The following NUP88 variants were observed in gnomAD, a reference collection of about 807,000 sequenced individuals.
NUP88 encodes the protein nucleoporin 88, also known as nuclear pore complex protein Nup88.
Under a neutral mutation model 93.9 loss-of-function variants are expected in NUP88, and 57 were observed. That is an observed-to-expected ratio of 0.61 (90% CI 0.49 to 0.76). The LOEUF (loss-of-function observed/expected upper bound fraction) is 0.76. Ranked by LOEUF, NUP88 falls within the 30% of genes least tolerant of loss-of-function variation. The pLI, the probability that NUP88 is intolerant of heterozygous loss-of-function variation, is 0.00. For missense variants in NUP88, 911 were observed against 901.0 expected, an observed-to-expected ratio of 1.01 and a Z score of -0.14; for synonymous variants, 346 against 336.8, an observed-to-expected ratio of 1.03 and a Z score of -0.30.
At chr17:5,403,617 G>A (rs568575109) in intron 7 of NUP88, among the ~76,000 whole-genome samples, 75 of 152,088 alleles carry the variant, frequency 4.9e-4, no homozygotes, top group African/African-American at 1.7e-3. Flanking sequence ...TCGAGATTGC[G>A]CCATTAGACT....
chr17:5,387,177 G>A, intron 14 of NUP88, 67 bp from the exon 15 acceptor site: 2 of 1,548,498 alleles, frequency 1.3e-6, no homozygotes, highest in Non-Finnish European at 1.8e-6. Flanking sequence ...ATAATCACAA[G>A]CTCATAATTC....
In NUP88 at chr17:5,416,559, C is replaced by A. The variant is rs756174121; in HGVS notation, c.421G>T (p.Gly141Trp). The A allele has an allele frequency of 6.2e-7, 1 of 1,611,670 alleles. No homozygotes were observed. The highest frequency in any genetic ancestry group is 1.1e-5 in the South Asian group (1 of 90,240). The change falls in exon 2 of 17, where the codon GGG becomes TGG. Residue 141 changes from glycine to tryptophan, a missense_variant. Transcript: ENST00000573584. ...LMVLELPKRW[G>W]KNSEFEGGKS... ...CCACCTTCAAATTCAGAATTCTTCC[C>A]CCATCTTTTAGGTAATTCTAATACC... is the stretch of plus-strand genomic sequence containing the variant.
intron 5 of NUP88, among the ~76,000 whole-genome samples, chr17:5,408,093 A>C (rs558935497): frequency 1.6e-4 from 25 of 152,308 alleles, no homozygotes; most frequent in African/African-American, 5.3e-4. Flanking sequence ...AATGCTCCCT[A>C]CATGAATCCT....
chr17:5,399,762 G>T, intron 7 of NUP88, 112 bp from the exon 8 acceptor site: 4 of 518,768 alleles, frequency 7.7e-6, no homozygotes, highest in South Asian at 3.1e-5. Flanking sequence ...GTTGATGGAA[G>T]GTTTTATAAA....
intron 4 of NUP88, 67 bp downstream of exon 4, chr17:5,410,636 T>G (rs1913781170): frequency 1.0e-6 from 1 of 988,304 alleles, no homozygotes; most frequent in Non-Finnish European, 1.6e-6. Context: ...TGCAACCTGT[T>G]AAAATTGCAT....
At chr17:5,405,345 C>T (rs1913434464) in intron 5 of NUP88, 102 bp from the exon 6 acceptor site, 1 of 919,038 alleles carries the variant, frequency 1.1e-6, no homozygotes, top group Admixed American at 2.3e-5. Context: ...ATCATACCTT[C>T]ATTATAAATG....
intron 3 of NUP88, among the ~76,000 whole-genome samples, chr17:5,413,177 GC>G (rs77420639): frequency 0.44 from 66,357 of 151,944 alleles, 15,240 homozygotes; most frequent in East Asian, 0.84. Flanking sequence ...TCACTGTATT[GC>G]CCACATTGGT....
At chr17:5,410,816 G>A in intron 3 of NUP88, 27 bp from the exon 4 acceptor site, 1 of 1,469,520 alleles carries the variant, frequency 6.8e-7, no homozygotes, top group Non-Finnish European at 9.4e-7. Flanking sequence ...AAGAAAACCA[G>A]CACTTAAAAT....
rs1912048771 is a variant in NUP88, at chr17:5,387,100, GT to G, written c.1926del (p.Lys642AsnfsTer20). The stretch of plus-strand genomic sequence containing the variant: ...AGCTCAGAGTGAAAACTGTGAAGTA[GT>G]TTTTTCATCCTTTAGAAAAGGCAAG... The part of the protein sequence containing the change: ...KQEDIMNRMK[K>X]LLHSFHSELP... On this transcript the variant is annotated frameshift_variant, in exon 15 of 17. Transcript: ENST00000573584. LOFTEE classifies it high-confidence loss of function. The G allele has an allele frequency of 6.2e-7, 1 of 1,613,244 alleles. No individual in the cohort carries two copies. The highest frequency in any genetic ancestry group is 8.5e-7 in the Non-Finnish European group (1 of 1,179,836).
At position 5,399,606 on chromosome 17, in the gene NUP88, C is replaced by A. The variant is rs1314245943; in HGVS notation, c.1237G>T (p.Val413Leu). The change falls in exon 8 of 17, where the codon GTA (valine) becomes TTA (leucine). Residue 413 changes from valine (V) to leucine (L), a missense_variant. By Grantham distance (32) the Val-to-Leu change is conservative. Coordinates refer to ENST00000573584, the MANE Select transcript of NUP88 (RefSeq NM_002532.6). ...ATCCAAGTTAGCCCAACACTATGTA[C>A]ACCAGCTTCATGAGTACAGTGATAT... Reference protein sequence around the residue: ...SRYHCTHEAGVHSVGLTWIHK... With the variant: ...SRYHCTHEAGLHSVGLTWIHK... 12 of 1,610,736 alleles carry A rather than the reference C, an allele frequency of 7.5e-6. No individual in the cohort carries two copies. In the South Asian group the frequency reaches 9.9e-5, roughly 13 times the overall value.
intron 9 of NUP88, among the ~76,000 whole-genome samples, chr17:5,392,573 G>A (rs1190376061): frequency 1.3e-5 from 2 of 152,146 alleles, no homozygotes; most frequent in Non-Finnish European, 1.5e-5. Context: ...TATACACTAT[G>A]TAACCAGTAT....
chr17:5,386,545 C>G (rs1395302646), intron 16 of NUP88, 163 bp downstream of exon 16: 1 of 674,548 alleles, frequency 1.5e-6, no homozygotes, highest in Non-Finnish European at 2.6e-6. Flanking sequence ...ATCCTCCCAC[C>G]ATAGTCATTT....
In NUP88 at chr17:5,387,801, C is replaced by T. The variant is rs1184868913; in HGVS notation, c.1747G>A (p.Ala583Thr). 15 of 1,612,430 alleles carry T rather than the reference C, an allele frequency of 9.3e-6. No individual in the cohort carries two copies. Among genetic ancestry groups the T allele is most frequent in the Non-Finnish European group, 1.3e-5 (15 of 1,179,630 alleles). ...TACCTCCGCTGAATCTCCTCCTTTG[C>T]CAAGTCCTGTTTGAGAATGTACTGC... ...REQYILKQDL[A>T]KEEIQRRVKL... The change falls in exon 12 of 17, where the codon GCA becomes ACA. Residue 583 changes from alanine (A) to threonine (T), a missense_variant. By Grantham distance (58) the Ala-to-Thr change is moderately conservative. Transcript: ENST00000573584.
chr17:5,416,144 C>CA (rs1206275413), intron 2 of NUP88, among the ~76,000 whole-genome samples: 1,234 of 72,486 alleles, frequency 0.017, 47 homozygotes, highest in African/African-American at 0.022. Flanking sequence ...GACTCCATCT[C>CA]AAAAAAAAAA....
At chr17:5,406,568 A>G (rs1913503584) in intron 5 of NUP88, among the ~76,000 whole-genome samples, 1 of 151,956 alleles carries the variant, frequency 6.6e-6, no homozygotes, top group Admixed American at 6.6e-5. Context: ...CCAAAATGGG[A>G]TTTGGGGAAA....
chr17:5,401,808 C>T (rs1402141934), intron 7 of NUP88, among the ~76,000 whole-genome samples: 4 of 152,260 alleles, frequency 2.6e-5, no homozygotes, highest in East Asian at 1.9e-4. Context: ...AAAGTCTTAA[C>T]ACTGGGGTGT....
intron 8 of NUP88, among the ~76,000 whole-genome samples, chr17:5,395,442 A>G (rs554952880): frequency 6.6e-6 from 1 of 152,322 alleles, no homozygotes; most frequent in South Asian, 2.1e-4. Context: ...CAGCACTCAA[A>G]AACTTTTGTA....
chr17:5,408,911 T>A lies in NUP88; in HGVS notation c.681-2A>T. 1.3e-6 allele frequency: 2 copies of A among 1,549,862 alleles called. No individual in the cohort carries two copies. Among genetic ancestry groups the A allele is most frequent in the Non-Finnish European group, 1.7e-6 (2 of 1,152,634 alleles). Reference sequence around the variant, plus strand: ...CCTAGAGATGCGGTATACGCCCTTCTGGAAAGAGATGTAAAAACCAACTTG... The same window carrying A: ...CCTAGAGATGCGGTATACGCCCTTCAGGAAAGAGATGTAAAAACCAACTTG... On this transcript the variant is annotated splice_acceptor_variant, in intron 4 of 16. Transcript: ENST00000573584. LOFTEE classifies it high-confidence loss of function.
intron 2 of NUP88, among the ~76,000 whole-genome samples, chr17:5,416,188 TACACACAC>T (rs149950508): frequency 1.6e-5 from 2 of 126,200 alleles, no homozygotes; most frequent in Admixed American, 8.3e-5. Context: ...TATACACACA[TACACACAC>T]ACACACACAC....
Sources: allele counts gnomAD v4.1 joint callset (sites outside exome capture counted in the v4.1 genomes callset), GRCh38; gene constraint gnomAD v4.1.1; transcripts MANE v1.5; gene names NCBI Gene and HGNC (gene_info 2026-07-23, HGNC 2026-07-21).